The following ARB2A variants were observed in gnomAD, a reference collection of about 807,000 sequenced individuals.
The protein encoded by ARB2A is ARB2 cotranscriptional regulator A.
At chr5:93,930,672 A>G in the ARB2A span, among the ~76,000 whole-genome samples, 17 of 152,298 alleles carry the variant, frequency 1.1e-4, no homozygotes, top group South Asian at 2.5e-3. Flanking sequence ...TTGAAGCACA[A>G]AAGTATAAGA....
At chr5:93,733,868 A>G in the ARB2A span, 2 of 152,234 alleles carry the variant, frequency 1.3e-5, no homozygotes, top group Non-Finnish European at 2.9e-5. Flanking sequence ...CATTCTGAAA[A>G]GAATTAATCT....
the ARB2A span, among the ~76,000 whole-genome samples, chr5:93,855,687 G>A: frequency 6.6e-6 from 1 of 152,102 alleles, no homozygotes. Context: ...TTGCTTCTCT[G>A]TAAAGTATTT....
the ARB2A span, among the ~76,000 whole-genome samples, chr5:93,831,214 G>A: frequency 2.6e-5 from 4 of 151,576 alleles, no homozygotes; most frequent in East Asian, 7.8e-4. Context: ...CCCGGGGTTT[G>A]GGGAACCTTG....
chr5:93,745,484 T>C, the ARB2A span, among the ~76,000 whole-genome samples: 1 of 152,158 alleles, frequency 6.6e-6, no homozygotes, highest in Non-Finnish European at 1.5e-5. Context: ...TGAAAACATC[T>C]GGATGTGCGA....
the ARB2A span, chr5:93,781,785 G>A: frequency 4.9e-6 from 3 of 612,756 alleles, no homozygotes; most frequent in South Asian, 7.2e-5. Context: ...TAGTGATGTC[G>A]AGCATTTTTT....
chr5:94,032,157 T>C, the ARB2A span, among the ~76,000 whole-genome samples: 1 of 152,322 alleles, frequency 6.6e-6, no homozygotes, highest in East Asian at 1.9e-4. Context: ...CCCAGAACTG[T>C]AGAGTGACCA....
At chr5:93,870,595 T>A in the ARB2A span, among the ~76,000 whole-genome samples, 3 of 152,238 alleles carry the variant, frequency 2.0e-5, no homozygotes, top group Non-Finnish European at 4.4e-5. Flanking sequence ...ATTAAGACAT[T>A]GTCTATTTCA....
At chr5:93,989,742 A>G in the ARB2A span, among the ~76,000 whole-genome samples, 16 of 152,176 alleles carry the variant, frequency 1.1e-4, no homozygotes, top group African/African-American at 3.9e-4. Flanking sequence ...GTAAAACAAC[A>G]GAGCCCATTT....
the ARB2A span, among the ~76,000 whole-genome samples, chr5:93,675,272 A>C: frequency 6.6e-6 from 1 of 152,204 alleles, no homozygotes; most frequent in Non-Finnish European, 1.5e-5. Flanking sequence ...ATTCTACTAA[A>C]GAAAAACTAC....
At chr5:93,856,338 G>C in the ARB2A span, among the ~76,000 whole-genome samples, 4 of 152,176 alleles carry the variant, frequency 2.6e-5, no homozygotes, top group African/African-American at 9.7e-5. Flanking sequence ...TGCCTTGCTA[G>C]ATTGGGGAAG....
the ARB2A span, among the ~76,000 whole-genome samples, chr5:93,945,028 T>C: frequency 1.7e-4 from 26 of 152,062 alleles, 1 homozygote; most frequent in Admixed American, 1.3e-3. Context: ...TAGTTGTAAG[T>C]TCAAGTAAGG....
chr5:93,807,460 A>G, the ARB2A span, among the ~76,000 whole-genome samples: 1 of 151,980 alleles, frequency 6.6e-6, no homozygotes, highest in African/African-American at 2.4e-5. Context: ...ATAATAATGA[A>G]TAGCACCAGG....
the ARB2A span, among the ~76,000 whole-genome samples, chr5:93,878,326 G>A: frequency 6.6e-6 from 1 of 152,074 alleles, no homozygotes; most frequent in Non-Finnish European, 1.5e-5. Flanking sequence ...AGGCTCTGTT[G>A]TAGGCTCTGG....
At chr5:93,895,635 A>G in the ARB2A span, among the ~76,000 whole-genome samples, 5 of 152,110 alleles carry the variant, frequency 3.3e-5, no homozygotes, top group African/African-American at 4.8e-5. Flanking sequence ...TCACATCATA[A>G]TGTGCTTTTA....
chr5:94,016,420 A>G, the ARB2A span, among the ~76,000 whole-genome samples: 1 of 152,236 alleles, frequency 6.6e-6, no homozygotes, highest in African/African-American at 2.4e-5. Flanking sequence ...ACAATTTACC[A>G]ATGACAGTCA....
the ARB2A span, among the ~76,000 whole-genome samples, chr5:93,822,804 G>C: frequency 3.3e-5 from 5 of 151,974 alleles, no homozygotes; most frequent in Non-Finnish European, 5.9e-5. Flanking sequence ...GTTAAAATTA[G>C]TTGAAAATAA....
the ARB2A span, among the ~76,000 whole-genome samples, chr5:93,930,887 G>A: frequency 6.6e-6 from 1 of 152,092 alleles, no homozygotes; most frequent in Non-Finnish European, 1.5e-5. Context: ...TGTTACATAG[G>A]TATATGTGTG....
the ARB2A span, among the ~76,000 whole-genome samples, chr5:93,860,383 A>G: frequency 1.4e-4 from 21 of 152,278 alleles, no homozygotes; most frequent in Non-Finnish European, 2.6e-4. Flanking sequence ...TAAATGCCAT[A>G]TAGAGGTAAA....
At chr5:94,074,969 G>T in the ARB2A span, among the ~76,000 whole-genome samples, 2 of 151,990 alleles carry the variant, frequency 1.3e-5, no homozygotes, top group East Asian at 3.9e-4. Flanking sequence ...TGGCATACAA[G>T]CCACAGGAAT....
Sources: gnomAD v4.1 joint callset for allele counts (sites outside exome capture counted in the v4.1 genomes callset) on GRCh38, gnomAD v4.1.1 for gene constraint, MANE v1.5 for transcripts, NCBI Gene and HGNC (gene_info 2026-07-23, HGNC 2026-07-21) for gene names.